Variants in CMIP observed in about 807,000 individuals in gnomAD.
CMIP encodes the protein c-Maf inducing protein.
In CMIP, 13 loss-of-function variants were observed where a neutral mutation model predicts 97.3. The observed-to-expected ratio is 0.13, with a 90% confidence interval of 0.09 to 0.21. CMIP has a LOEUF of 0.21. CMIP is among the 10% of genes least tolerant of loss of function. The probability of loss-of-function intolerance (pLI) is 1.00; values close to 1 mark genes in which losing one functional copy is unlikely to be tolerated. For missense variants in CMIP, 847 were observed against 1,024.9 expected (o/e 0.83, Z 2.37); for synonymous variants, 538 against 436.3 (o/e 1.23, Z -2.91).
chr16:81,681,987 T>C (rs1904917904), intron 10 of CMIP, among the ~76,000 whole-genome samples: 1 of 151,876 alleles, frequency 6.6e-6, no homozygotes, highest in African/African-American at 2.4e-5. Flanking sequence ...GGCGGGGGAA[T>C]TACTTGAGGC....
In CMIP at chr16:81,670,174, T is replaced by A; in HGVS notation, c.858T>A (p.Phe286Leu). The change falls in exon 8 of 21, where the codon TTT becomes TTA. Residue 286 changes from phenylalanine (F) to leucine (L), a missense_variant. Phe to Leu is a conservative substitution (Grantham distance 22, BLOSUM62 0). Coordinates refer to ENST00000537098, the MANE Select transcript of CMIP (RefSeq NM_198390.3). ...DFGKCPRLRL[F>L]TQEYILALNE... The stretch of plus-strand genomic sequence containing the variant: ...GGAAGTGCCCGCGACTGAGGCTGTT[T>A]ACTCAGGAGTACATCCTTGCCTTGA... 1 of 1,611,248 alleles carries A rather than the reference T, an allele frequency of 6.2e-7. No homozygotes were observed. The highest frequency in any genetic ancestry group is 8.5e-7 in the Non-Finnish European group (1 of 1,178,896).
At chr16:81,456,094 T>C (rs573722253) in intron 1 of CMIP, among the ~76,000 whole-genome samples, 3 of 152,158 alleles carry the variant, frequency 2.0e-5, no homozygotes, top group Non-Finnish European at 4.4e-5. Context: ...TTCACGACCC[T>C]GTGACTGAGG....
At chr16:81,699,855 C>G (rs893582651) in intron 15 of CMIP, 54 bp downstream of exon 15, 4 of 1,251,554 alleles carry the variant, frequency 3.2e-6, no homozygotes, top group Non-Finnish European at 4.6e-6. Flanking sequence ...GTCCCTTGTC[C>G]GTGCCGATAG....
chr16:81,667,998 C>T (rs957012814), intron 7 of CMIP, among the ~76,000 whole-genome samples: 7 of 152,136 alleles, frequency 4.6e-5, no homozygotes, highest in Middle Eastern at 3.4e-3. Flanking sequence ...AAGAAGCCCC[C>T]AGCGGCTCTA....
chr16:81,620,835 G>A, intron 2 of CMIP, 41 bp from the exon 3 acceptor site: 1 of 1,612,790 alleles, frequency 6.2e-7, no homozygotes, highest in African/African-American at 1.3e-5. Context: ...GATGCCGCAA[G>A]CTGATGACCG....
At chr16:81,688,102 G>T (rs554729979) in intron 10 of CMIP, among the ~76,000 whole-genome samples, 1 of 151,818 alleles carries the variant, frequency 6.6e-6, no homozygotes, top group Non-Finnish European at 1.5e-5. Context: ...TCCCAGGGTC[G>T]GATGGGGGTG....
At chr16:81,573,997 C>G (rs2091143819) in intron 1 of CMIP, among the ~76,000 whole-genome samples, 1 of 152,056 alleles carries the variant, frequency 6.6e-6, no homozygotes, top group African/African-American at 2.4e-5. Context: ...ACCCCTGGAG[C>G]CTTTACCTGG....
chr16:81,504,249 C>T (rs548902649), intron 1 of CMIP, among the ~76,000 whole-genome samples: 2 of 151,670 alleles, frequency 1.3e-5, no homozygotes, highest in Non-Finnish European at 1.5e-5. Context: ...TCGCTTGAAC[C>T]CGGGAGGCAG....
At chr16:81,611,733 C>T (rs1015779233) in intron 2 of CMIP, among the ~76,000 whole-genome samples, 8 of 152,314 alleles carry the variant, frequency 5.3e-5, no homozygotes, top group East Asian at 3.9e-4. Context: ...CCTCCTCCTC[C>T]GCTCTCTCTG....
intron 11 of CMIP, 29 bp downstream of exon 11, chr16:81,691,869 T>A: frequency 6.3e-7 from 1 of 1,595,012 alleles, no homozygotes; most frequent in Non-Finnish European, 8.6e-7. Flanking sequence ...CCCGGAGCCC[T>A]CCCACCTGTG....
chr16:81,636,529 C>T (rs905197708), intron 3 of CMIP, among the ~76,000 whole-genome samples: 2 of 142,602 alleles, frequency 1.4e-5, no homozygotes, highest in Non-Finnish European at 3.0e-5. Flanking sequence ...TGCAGTGAGC[C>T]AAGATTGCGC....
At chr16:81,557,922 C>G (rs537405818) in intron 1 of CMIP, among the ~76,000 whole-genome samples, 1 of 152,320 alleles carries the variant, frequency 6.6e-6, no homozygotes, top group South Asian at 2.1e-4. Flanking sequence ...CAGACAGAGA[C>G]TCTGTCCCTG....
intron 5 of CMIP, among the ~76,000 whole-genome samples, chr16:81,658,043 C>T (rs923972529): frequency 3.9e-5 from 6 of 152,244 alleles, no homozygotes; most frequent in Admixed American, 1.3e-4. Flanking sequence ...AGGTTTGTAG[C>T]AAATGTATCA....
intron 19 of CMIP, among the ~76,000 whole-genome samples, chr16:81,705,866 C>T (rs1343904118): frequency 6.6e-6 from 1 of 152,230 alleles, no homozygotes; most frequent in Non-Finnish European, 1.5e-5. Flanking sequence ...CCCATAGCCT[C>T]TTGACACTCA....
intron 20 of CMIP, among the ~76,000 whole-genome samples, chr16:81,709,158 G>C (rs1311662217): frequency 6.6e-6 from 1 of 152,168 alleles, no homozygotes; most frequent in Non-Finnish European, 1.5e-5. Flanking sequence ...CCAGCCTAGG[G>C]GGAGCCTCAA....
chr16:81,569,012 CA>C (rs1298377997), intron 1 of CMIP, among the ~76,000 whole-genome samples: 3 of 152,172 alleles, frequency 2.0e-5, no homozygotes, highest in African/African-American at 4.8e-5. Context: ...TAAATTAGAA[CA>C]GGGGGTGCAG....
chr16:81,692,318 T>G (rs931715414), intron 11 of CMIP, among the ~76,000 whole-genome samples: 2 of 152,246 alleles, frequency 1.3e-5, no homozygotes, highest in African/African-American at 4.8e-5. Flanking sequence ...GCTCAGGCTC[T>G]GCAGCAAACC....
At chr16:81,475,500 T>TG (rs397800978) in intron 1 of CMIP, among the ~76,000 whole-genome samples, 1 of 152,094 alleles carries the variant, frequency 6.6e-6, no homozygotes, top group Admixed American at 6.5e-5. Flanking sequence ...ATTTTTTTTT[T>TG]GTTATTATAT....
chr16:81,709,162 G>A (rs57916148), intron 20 of CMIP, among the ~76,000 whole-genome samples: 2 of 152,256 alleles, frequency 1.3e-5, no homozygotes, highest in East Asian at 1.9e-4. Flanking sequence ...CCTAGGGGGA[G>A]CCTCAAGTGG....
Sources: allele counts gnomAD v4.1 joint callset (sites outside exome capture counted in the v4.1 genomes callset), GRCh38; gene constraint gnomAD v4.1.1; transcripts MANE v1.5; gene names NCBI Gene and HGNC (gene_info 2026-07-23, HGNC 2026-07-21).